Variants in ADAMTS20 observed in about 807,000 individuals in gnomAD.
The protein encoded by ADAMTS20 is A disintegrin and metalloproteinase with thrombospondin motifs 20.
ADAMTS20 carries 225 observed loss-of-function variants against 260.1 expected under a neutral mutation model. The observed-to-expected ratio is 0.87, with a 90% CI of 0.78 to 0.97. The LOEUF (loss-of-function observed/expected upper bound fraction) is 0.97, where lower values mean the gene tolerates loss of function less well. Ranked by LOEUF, ADAMTS20 falls within the 50% of genes least tolerant of loss-of-function variation. The pLI, the probability that ADAMTS20 is intolerant of heterozygous loss-of-function variation, is 0.00. For synonymous variants in ADAMTS20, 802 were observed against 769.5 expected, an observed-to-expected ratio of 1.04 and a Z score of -0.70; for missense variants, 2,400 against 2,337.7, an observed-to-expected ratio of 1.03 and a Z score of -0.55.
chr12:43,379,263 C>T (rs1215943075), intron 31 of ADAMTS20, among the ~76,000 whole-genome samples: 1 of 152,090 alleles, frequency 6.6e-6, no homozygotes, highest in African/African-American at 2.4e-5. Context: ...TTGCAGTTTC[C>T]AGGATGCTGA....
chr12:43,421,245 G>A (rs1272768002), intron 28 of ADAMTS20, among the ~76,000 whole-genome samples: 7 of 120,484 alleles, frequency 5.8e-5, no homozygotes, highest in African/African-American at 1.6e-4. Context: ...AAGTGAATGC[G>A]CCAGAATTTA....
At chr12:43,358,109 T>C (rs1371791354) in intron 37 of ADAMTS20, among the ~76,000 whole-genome samples, 1 of 152,232 alleles carries the variant, frequency 6.6e-6, no homozygotes, top group African/African-American at 2.4e-5. Context: ...GCTCCTTGAG[T>C]GCTCAATTGG....
In ADAMTS20 at chr12:43,425,668, C is replaced by T. The variant is rs1195748023; in HGVS notation, c.4130G>A (p.Gly1377Glu). 2 of 1,601,126 alleles carry T rather than the reference C, an allele frequency of 1.2e-6. No individual in the cohort carries two copies. Among genetic ancestry groups the T allele is most frequent in the East Asian group, 2.2e-5 (1 of 44,582 alleles). Residue 1377 changes from glycine (G) to glutamate (E), a missense_variant, in exon 28 of 39, where the codon GGA becomes GAA. By Grantham distance (98) the Gly-to-Glu change is moderately conservative. Coordinates refer to ENST00000389420, the MANE Select transcript of ADAMTS20 (RefSeq NM_025003.5). ...WGECSQTCGG[G>E]IKSRLVICQF... ...ACATATTACAAGTCTTGATTTTATT[C>T]CTCCTCCACATGTTTGTGAACACTA...
chr12:43,421,282 C>CACACA lies in ADAMTS20; in HGVS notation c.4284+4231_4284+4232insTGTGT, dbSNP rs368419833. Reference sequence around the variant, plus strand: ...GGTTCAAGTAGCAAGCTTTCATTTACAAAAAAAAAAAAAAAACTTTCTCTT... The same window carrying CACACA: ...GGTTCAAGTAGCAAGCTTTCATTTACACACAAAAAAAAAAAAAAAAACTTTCTCTT... On this transcript the variant is annotated intron_variant, in intron 28 of 38. Coordinates refer to ENST00000389420, the MANE Select transcript of ADAMTS20 (RefSeq NM_025003.5). Among the ~76,000 whole-genome samples, 117 of 118,880 alleles carry CACACA rather than the reference C, an allele frequency of 9.8e-4. No individual in the cohort carries two copies. The South Asian group carries it at 0.01, about 10-fold the overall frequency. The allele number at this position is 118,880 out of a possible 152,430, so 78.0% of individuals were successfully genotyped here. A position where few individuals can be genotyped will look rare whatever the true frequency, so the allele number is the denominator to read the frequency against.
intron 6 of ADAMTS20, among the ~76,000 whole-genome samples, chr12:43,490,963 G>A (rs752568432): frequency 2.6e-5 from 4 of 151,486 alleles, no homozygotes; most frequent in Non-Finnish European, 5.9e-5. Flanking sequence ...CTCCTGCTTG[G>A]CTTTTAACTA....
rs1375758624 is a variant in ADAMTS20, at chr12:43,399,242, GA to G, written c.4285-10del. On this transcript the variant is annotated splice_polypyrimidine_tract_variant and intron_variant, in intron 28 of 38. Transcript: ENST00000389420. The stretch of plus-strand genomic sequence containing the variant: ...CCACAAGAAGCTGAGCACTAGAAAA[GA>G]AATATGAATGCACTTGATTCATTTT... 6.0e-6 allele frequency: 9 copies of G among 1,489,818 alleles called. No homozygotes were observed. The South Asian group carries it at 1.3e-4, about 21-fold the overall frequency. The allele number at this position is 1,489,818 out of a possible 1,614,324, so 92.3% of individuals were successfully genotyped here.
chr12:43,406,388 A>G (rs926503352), intron 28 of ADAMTS20, among the ~76,000 whole-genome samples: 1 of 152,138 alleles, frequency 6.6e-6, no homozygotes, highest in African/African-American at 2.4e-5. Context: ...AAAACATATT[A>G]TAGCTATTTT....
chr12:43,472,901 A>G (rs1942289859), intron 7 of ADAMTS20, among the ~76,000 whole-genome samples: 1 of 145,540 alleles, frequency 6.9e-6, no homozygotes. Flanking sequence ...TGTAAAGACC[A>G]TCGAGACTAG....
chr12:43,450,173 T>C (rs926549313), intron 14 of ADAMTS20, among the ~76,000 whole-genome samples: 6 of 152,046 alleles, frequency 3.9e-5, no homozygotes, highest in Admixed American at 3.9e-4. Flanking sequence ...GTGCTTATTT[T>C]TAAAAATGAA....
At position 43,466,708 on chromosome 12, in the gene ADAMTS20, G is replaced by A; in HGVS notation, c.1311C>T (p.His437=). Residue 437 remains histidine, a synonymous_variant, in exon 9 of 39, where the codon CAC becomes CAT. Transcript: ENST00000389420. ...AGTTTGACCAGCTCCAAGGACTCATGTGAAAACTTAAAGCAGGGGCCATTA... is the reference window on the plus strand; with the variant it reads ...AGTTTGACCAGCTCCAAGGACTCATATGAAAACTTAAAGCAGGGGCCATTA... ...YHVMAPALSF[H]MSPWSWSNCS... 1 of 1,611,724 alleles carries A rather than the reference G, an allele frequency of 6.2e-7. No homozygotes were observed.
At chr12:43,514,086 T>TAAAA (rs71091163) in intron 3 of ADAMTS20, among the ~76,000 whole-genome samples, 4 of 100,542 alleles carry the variant, frequency 4.0e-5, no homozygotes, top group Non-Finnish European at 6.0e-5. Flanking sequence ...GAATAAACTC[T>TAAAA]AAAAAAAAAA....
chr12:43,452,843 G>A (rs902478218), intron 12 of ADAMTS20, 148 bp from the exon 13 acceptor site: 26 of 685,842 alleles, frequency 3.8e-5, no homozygotes, highest in South Asian at 2.2e-4. Flanking sequence ...TGAGTTTTAC[G>A]CAATTCTATG....
intron 10 of ADAMTS20, 108 bp from the exon 11 acceptor site, chr12:43,463,107 T>C: frequency 1.5e-6 from 1 of 670,298 alleles, no homozygotes; most frequent in African/African-American, 1.8e-5. Context: ...CCTAGTTCCA[T>C]GGTATAAGCT....
At chr12:43,501,481 G>GCGCGCGCACACACA (rs373746834) in intron 4 of ADAMTS20, among the ~76,000 whole-genome samples, 8 of 117,860 alleles carry the variant, frequency 6.8e-5, no homozygotes, top group Non-Finnish European at 1.3e-4. Context: ...GCGCGCGCGC[G>GCGCGCGCACACACA]CACACACACA....
intron 28 of ADAMTS20, among the ~76,000 whole-genome samples, chr12:43,416,222 C>A (rs1941126624): frequency 6.6e-6 from 1 of 152,146 alleles, no homozygotes; most frequent in Non-Finnish European, 1.5e-5. Context: ...GCCCCTAAAT[C>A]ATCCTCGGCT....
At chr12:43,359,037 C>T (rs1374497548) in intron 37 of ADAMTS20, among the ~76,000 whole-genome samples, 2 of 151,122 alleles carry the variant, frequency 1.3e-5, no homozygotes, top group Admixed American at 6.6e-5. Context: ...ATACGAGGTC[C>T]TCTCTCTCTC....
chr12:43,469,893 A>G (rs1942221371), intron 7 of ADAMTS20, among the ~76,000 whole-genome samples: 1 of 152,204 alleles, frequency 6.6e-6, no homozygotes. Flanking sequence ...AAGATGAAGA[A>G]GTTCATTAGC....
rs766192342 is a variant in ADAMTS20 at position 43,552,191 on chromosome 12, G to T, written c.-270C>A. Among the ~76,000 whole-genome samples the T allele has an allele frequency of 6.6e-6, 1 of 152,186 alleles. No homozygotes were observed. Among genetic ancestry groups the T allele is most frequent in the Non-Finnish European group, 1.5e-5 (1 of 68,034 alleles). ...GAAACTCTCTGCTCAGGTTCAGCTC[G>T]GCGCGGGGAAGCAACTCGACCTAGC... On this transcript the variant is annotated 5_prime_UTR_variant, in exon 1 of 39. Coordinates refer to ENST00000389420, the MANE Select transcript of ADAMTS20 (RefSeq NM_025003.5).
chr12:43,374,539 A>G (rs770215532), intron 36 of ADAMTS20, among the ~76,000 whole-genome samples: 4 of 152,202 alleles, frequency 2.6e-5, no homozygotes, highest in Non-Finnish European at 2.9e-5. Context: ...TCTATAATCT[A>G]AGGTCTATGA....
Sources: allele counts gnomAD v4.1 joint callset (sites outside exome capture counted in the v4.1 genomes callset), GRCh38; gene constraint gnomAD v4.1.1; transcripts MANE v1.5; gene names NCBI Gene and HGNC (gene_info 2026-07-23, HGNC 2026-07-21).